TRPM3: variants seen among roughly 807,000 people sequenced by gnomAD.
TRPM3 encodes transient receptor potential cation channel subfamily M member 3.
In TRPM3, 77 loss-of-function variants were observed where a neutral mutation model predicts 181.2. The observed-to-expected ratio is 0.42, with a 90% CI of 0.35 to 0.51. The LOEUF (loss-of-function observed/expected upper bound fraction) is 0.51, where lower values mean the gene tolerates loss of function less well. Among genes scored for constraint, TRPM3 ranks in the 20% least tolerant of loss-of-function variants. The pLI, the probability that TRPM3 is intolerant of heterozygous loss-of-function variation, is 0.01. For synonymous variants in TRPM3, 745 were observed against 796.4 expected (o/e 0.94, Z 1.09); for missense variants, 1,759 against 2,196.7 (o/e 0.80, Z 3.98).
At chr9:70,843,430 C>G (rs746106139) in intron 4 of TRPM3, among the ~76,000 whole-genome samples, 4 of 152,014 alleles carry the variant, frequency 2.6e-5, no homozygotes, top group Non-Finnish European at 5.9e-5. Context: ...TAACTAGAAA[C>G]TCTTTTTCTT....
chr9:71,341,113 G>A (rs2090932038), intron 1 of TRPM3, among the ~76,000 whole-genome samples: 2 of 151,944 alleles, frequency 1.3e-5, no homozygotes, highest in African/African-American at 4.8e-5. Context: ...CTGGGAAAAG[G>A]AACTCTTATA....
intron 1 of TRPM3, among the ~76,000 whole-genome samples, chr9:71,203,788 C>T (rs972943927): frequency 6.6e-6 from 1 of 152,144 alleles, no homozygotes; most frequent in African/African-American, 2.4e-5. Flanking sequence ...CATCATTCTT[C>T]CTCCTTTTCT....
At chr9:70,960,597 G>C (rs563430098) in intron 1 of TRPM3, among the ~76,000 whole-genome samples, 6 of 152,146 alleles carry the variant, frequency 3.9e-5, no homozygotes, top group Non-Finnish European at 8.8e-5. Flanking sequence ...TGGGAGGCAG[G>C]AAAGTCTGAG....
intron 1 of TRPM3, among the ~76,000 whole-genome samples, chr9:71,309,689 TTTCA>T (rs943755194): frequency 1.3e-5 from 2 of 152,178 alleles, no homozygotes; most frequent in Non-Finnish European, 2.9e-5. Flanking sequence ...TGAATATTGA[TTTCA>T]TTATTTCCAT....
rs532149829 is a variant in TRPM3, at chr9:70,891,540, G to A, written c.178-27029C>T. ...CCCTGTTTTTTGTGTGAAAGTCCTC[G>A]TAGCACTATTTGACTTTTTAAGCTC... On this transcript the variant is annotated intron_variant, in intron 1 of 25. Transcript: ENST00000677713. Among the ~76,000 whole-genome samples the A allele has an allele frequency of 5.5e-3, 834 of 152,210 alleles. 8 individuals carry two copies. Among genetic ancestry groups the A allele is most frequent in the Non-Finnish European group, 8.9e-3 (606 of 68,006 alleles).
At chr9:71,436,278 C>A (rs567308050) in intron 1 of TRPM3, among the ~76,000 whole-genome samples, 1 of 149,838 alleles carries the variant, frequency 6.7e-6, no homozygotes, top group Non-Finnish European at 1.5e-5. Context: ...TCCGATTAAA[C>A]CTCTCTTTTT....
chr9:70,858,576 G>C (rs567661349), intron 3 of TRPM3, among the ~76,000 whole-genome samples: 2 of 152,220 alleles, frequency 1.3e-5, no homozygotes, highest in Admixed American at 1.3e-4. Flanking sequence ...ACTTCCACTT[G>C]TTAAATATTC....
intron 1 of TRPM3, among the ~76,000 whole-genome samples, chr9:71,430,244 T>G (rs1268983375): frequency 3.3e-5 from 5 of 152,196 alleles, no homozygotes; most frequent in Non-Finnish European, 5.9e-5. Context: ...ATATGAAATA[T>G]TAAACTTTTA....
intron 11 of TRPM3, 73 bp downstream of exon 11, chr9:70,638,987 G>C: frequency 6.6e-7 from 1 of 1,514,896 alleles, no homozygotes; most frequent in African/African-American, 1.4e-5. Flanking sequence ...AGAATCACAG[G>C]CATATGGGGG....
chr9:70,980,470 T>C (rs976028267), intron 1 of TRPM3, among the ~76,000 whole-genome samples: 7 of 152,166 alleles, frequency 4.6e-5, no homozygotes, highest in Non-Finnish European at 7.3e-5. Context: ...TCCTTTGTGT[T>C]CCTGACATAG....
chr9:71,236,775 A>G (rs1301231184), intron 1 of TRPM3, among the ~76,000 whole-genome samples: 1 of 152,198 alleles, frequency 6.6e-6, no homozygotes, highest in African/African-American at 2.4e-5. Flanking sequence ...AGCTGGGTGC[A>G]GTGGCTCACG....
intron 1 of TRPM3, among the ~76,000 whole-genome samples, chr9:71,309,970 G>A (rs2087758441): frequency 6.6e-6 from 1 of 152,032 alleles, no homozygotes; most frequent in South Asian, 2.1e-4. Context: ...CACATCTTTG[G>A]AAAGAACTAT....
At chr9:71,046,151 A>T (rs1021227114) in intron 1 of TRPM3, among the ~76,000 whole-genome samples, 3 of 151,856 alleles carry the variant, frequency 2.0e-5, no homozygotes, top group Admixed American at 2.0e-4. Context: ...ACGCCCGGCT[A>T]ATTTTTTGTA....
rs184212685 is a variant in TRPM3, at chr9:71,099,217, C to T, written c.177+21961G>A. Among the ~76,000 whole-genome samples the T allele has an allele frequency of 8.4e-3, 1,283 of 152,266 alleles. 9 individuals carry two copies. The highest frequency in any genetic ancestry group is 0.012 in the Non-Finnish European group (841 of 68,010). ...GGTCCATAGATAGTGCCTTCTCACTCTGTCTTCACATAGTGGAAGATGCAA... is the reference window on the plus strand; with the variant it reads ...GGTCCATAGATAGTGCCTTCTCACTTTGTCTTCACATAGTGGAAGATGCAA... On this transcript the variant is annotated intron_variant, in intron 1 of 25. Transcript: ENST00000677713.
intron 1 of TRPM3, among the ~76,000 whole-genome samples, chr9:70,907,777 C>T (rs2096487924): frequency 6.6e-6 from 1 of 152,198 alleles, no homozygotes; most frequent in African/African-American, 2.4e-5. Context: ...CAATGTTTAG[C>T]TCCCACTTAT....
At chr9:71,307,199 G>A (rs1188316536) in intron 1 of TRPM3, among the ~76,000 whole-genome samples, 1 of 152,044 alleles carries the variant, frequency 6.6e-6, no homozygotes, top group African/African-American at 2.4e-5. Context: ...GTGACCTGAC[G>A]ATACATATGA....
intron 1 of TRPM3, among the ~76,000 whole-genome samples, chr9:71,316,209 A>G (rs1362571793): frequency 1.3e-5 from 2 of 152,156 alleles, no homozygotes; most frequent in Non-Finnish European, 2.9e-5. Flanking sequence ...GTGTTATCCC[A>G]ACGTCTACTT....
At chr9:70,857,677 C>A (rs2095422020) in intron 3 of TRPM3, among the ~76,000 whole-genome samples, 1 of 152,128 alleles carries the variant, frequency 6.6e-6, no homozygotes, top group African/African-American at 2.4e-5. Flanking sequence ...GGTTCAAGAA[C>A]TATGTTGTTA....
intron 9 of TRPM3, among the ~76,000 whole-genome samples, chr9:70,657,640 T>A (rs889045443): frequency 4.1e-4 from 63 of 152,280 alleles, no homozygotes; most frequent in South Asian, 8.3e-4. Flanking sequence ...AAATTTTTTT[T>A]AAATTAAGAT....
Sources: allele counts gnomAD v4.1 joint callset (sites outside exome capture counted in the v4.1 genomes callset), GRCh38; gene constraint gnomAD v4.1.1; transcripts MANE v1.5; gene names NCBI Gene and HGNC (gene_info 2026-07-23, HGNC 2026-07-21).